The following PLA2G4C variants were observed in gnomAD, a reference collection of about 807,000 sequenced individuals.
PLA2G4C encodes phospholipase A2 group IVC.
A neutral mutation model predicts 73.8 loss-of-function variants in PLA2G4C; 64 were observed. The ratio of observed to expected loss-of-function variants is 0.87; its 90% confidence interval spans 0.71 to 1.07. The LOEUF is 1.07. Among genes scored for constraint, PLA2G4C ranks in the 50% least tolerant of loss-of-function variants. The probability of loss-of-function intolerance (pLI) is 0.00; values close to 1 mark genes in which losing one functional copy is unlikely to be tolerated. For synonymous variants in PLA2G4C, 254 were observed against 252.1 expected, an observed-to-expected ratio of 1.01 and a Z score of -0.07; for missense variants, 622 against 665.4, an observed-to-expected ratio of 0.93 and a Z score of 0.72.
chr19:48,085,986 A>G (rs1487027342), intron 9 of PLA2G4C, among the ~76,000 whole-genome samples: 4 of 152,218 alleles, frequency 2.6e-5, no homozygotes, highest in African/African-American at 9.6e-5. Context: ...GGCACCCTGC[A>G]GTGGTCAGCC....
intron 14 of PLA2G4C, among the ~76,000 whole-genome samples, chr19:48,059,044 G>A (rs529039416): frequency 2.5e-4 from 38 of 151,996 alleles, no homozygotes; most frequent in Non-Finnish European, 4.4e-4. Context: ...AGGCCGAGGC[G>A]GGCAGATCAC....
At chr19:48,052,968 C>T (rs751202954) in intron 16 of PLA2G4C, 29 bp downstream of exon 16, 1 of 1,584,706 alleles carries the variant, frequency 6.3e-7, no homozygotes, top group South Asian at 1.1e-5. Flanking sequence ...CGAGCATAGG[C>T]ATCAGAGCGA....
At position 48,106,506 on chromosome 19, in the gene PLA2G4C, C is replaced by T. The variant is rs771870049; in HGVS notation, c.8+16G>A. Reference sequence around the variant, plus strand: ...TGCTCTGCTTCCCCATAGTGGTCAGCTCTAAGAGGACTTACCTTCCCATGG... The same window carrying T: ...TGCTCTGCTTCCCCATAGTGGTCAGTTCTAAGAGGACTTACCTTCCCATGG... On this transcript the variant is annotated intron_variant, in intron 2 of 16. Coordinates refer to ENST00000599921, the MANE Select transcript of PLA2G4C (RefSeq NM_003706.3). 5.6e-6 allele frequency: 9 copies of T among 1,596,996 alleles called. No homozygotes were observed. Among genetic ancestry groups the T allele is most frequent in the African/African-American group, 1.3e-5 (1 of 74,708 alleles).
At chr19:48,083,372 G>A (rs1773312223) in intron 10 of PLA2G4C, among the ~76,000 whole-genome samples, 1 of 104,752 alleles carries the variant, frequency 9.5e-6, no homozygotes, top group Non-Finnish European at 2.2e-5. Flanking sequence ...GAATTTTGTT[G>A]TTGTTGTTGA....
At chr19:48,077,691 T>C in intron 11 of PLA2G4C, 80 bp downstream of exon 11, 1 of 1,088,572 alleles carries the variant, frequency 9.2e-7, no homozygotes, top group Non-Finnish European at 1.3e-6. Context: ...ACACGTAAAG[T>C]TTTTAGGACA....
chr19:48,098,871 C>T (rs1452760981), intron 5 of PLA2G4C, among the ~76,000 whole-genome samples: 3 of 151,196 alleles, frequency 2.0e-5, no homozygotes, highest in African/African-American at 4.9e-5. Context: ...CACTGCACTC[C>T]AGCCTGGACG....
At chr19:48,107,192 G>GAATTGA in intron 1 of PLA2G4C, among the ~76,000 whole-genome samples, 1 of 152,002 alleles carries the variant, frequency 6.6e-6, no homozygotes, top group Admixed American at 6.6e-5. Flanking sequence ...GGGGCTGAGG[G>GAATTGA]AACAATTGAT....
intron 16 of PLA2G4C, among the ~76,000 whole-genome samples, chr19:48,049,684 C>T (rs1263972524): frequency 6.6e-6 from 1 of 152,152 alleles, no homozygotes; most frequent in South Asian, 2.1e-4. Context: ...CACTGCTGCA[C>T]ACCTTATTAT....
At position 48,105,354 on chromosome 19, in the gene PLA2G4C, C is replaced by T; in HGVS notation, c.99G>A (p.Lys33=). The T allele has an allele frequency of 6.2e-7, 1 of 1,613,372 alleles. No individual in the cohort carries two copies. The highest frequency in any genetic ancestry group is 8.5e-7 in the Non-Finnish European group (1 of 1,179,566). ...TTACCTCATCAGCCTCAATCCTTAG[C>T]TTCTTCAGAGCTTTCAGCACATGAA... ...RRLHVLKALK[K]LRIEADEAPV... The change falls in exon 3 of 17, where the codon AAG becomes AAA. Residue 33 remains lysine (K), a synonymous_variant. Coordinates refer to ENST00000599921, the MANE Select transcript of PLA2G4C (RefSeq NM_003706.3).
At chr19:48,110,351 A>AAAAT (rs915744406) in intron 1 of PLA2G4C, 136 bp downstream of exon 1, 15 of 575,718 alleles carry the variant, frequency 2.6e-5, no homozygotes, top group Non-Finnish European at 3.4e-5. Context: ...GTCTCAAAAA[A>AAAAT]AAATAAATAA....
At chr19:48,097,244 C>CGTTTTTTT (rs1568449148) in intron 6 of PLA2G4C, 2 of 66,628 alleles carry the variant, frequency 3.0e-5, no homozygotes, top group African/African-American at 1.4e-4. Flanking sequence ...TTACTTTTTT[C>CGTTTTTTT]TTTTTTCTTT....
intron 10 of PLA2G4C, 89 bp from the exon 11 acceptor site, chr19:48,077,913 T>C (rs1262820733): frequency 9.3e-7 from 1 of 1,075,496 alleles, no homozygotes; most frequent in Non-Finnish European, 1.4e-6. Context: ...GTCTCTTTAA[T>C]AGAAATGGCA....
At chr19:48,098,730 AAAAAAAAAAAAAAAAAAAAAAAT>A (rs1259590247) in intron 5 of PLA2G4C, among the ~76,000 whole-genome samples, 1 of 128,696 alleles carries the variant, frequency 7.8e-6, no homozygotes, top group Non-Finnish European at 1.7e-5. Context: ...AAAAAAAAAA[AAAAAAAAAAAAAAAAAAAAAAAT>A]TTGTCAGGCC....
At chr19:48,066,639 A>G (rs1026779635) in intron 13 of PLA2G4C, among the ~76,000 whole-genome samples, 1 of 151,954 alleles carries the variant, frequency 6.6e-6, no homozygotes, top group African/African-American at 2.4e-5. Context: ...GACCACAAAC[A>G]TAAAGATGTT....
chr19:48,074,655 C>A, intron 12 of PLA2G4C, 112 bp downstream of exon 12: 1 of 750,130 alleles, frequency 1.3e-6, no homozygotes, highest in Non-Finnish European at 2.4e-6. Flanking sequence ...ACCAGTGGGA[C>A]ATCTGGTCAT....
At chr19:48,106,622 G>A (rs752791362) in intron 1 of PLA2G4C, 61 bp from the exon 2 acceptor site, 1 of 1,338,748 alleles carries the variant, frequency 7.5e-7, no homozygotes, top group African/African-American at 1.4e-5. Flanking sequence ...AAAGACAGTG[G>A]GGGAGGGCTG....
intron 2 of PLA2G4C, among the ~76,000 whole-genome samples, chr19:48,106,066 A>G (rs2122156341): frequency 7.0e-6 from 1 of 142,474 alleles, no homozygotes; most frequent in South Asian, 2.3e-4. Context: ...GCGCAATCTC[A>G]GTTCACTGCA....
intron 7 of PLA2G4C, among the ~76,000 whole-genome samples, chr19:48,093,495 A>T (rs1600234663): frequency 6.6e-6 from 1 of 152,158 alleles, no homozygotes; most frequent in South Asian, 2.1e-4. Flanking sequence ...ATGTTTTACC[A>T]TATAAACTGA....
At chr19:48,077,427 G>A (rs968353249) in intron 11 of PLA2G4C, among the ~76,000 whole-genome samples, 5 of 152,006 alleles carry the variant, frequency 3.3e-5, no homozygotes, top group Non-Finnish European at 7.4e-5. Flanking sequence ...ACAAAACACT[G>A]CTGAAAGAAA....
Sources: allele counts gnomAD v4.1 joint callset (sites outside exome capture counted in the v4.1 genomes callset), GRCh38; gene constraint gnomAD v4.1.1; transcripts MANE v1.5; gene names NCBI Gene and HGNC (gene_info 2026-07-23, HGNC 2026-07-21).